CYTH3: variants seen among roughly 807,000 people sequenced by gnomAD.
CYTH3 encodes cytohesin-3.
A neutral mutation model predicts 55.1 loss-of-function variants in CYTH3; 23 were observed. That is an observed-to-expected ratio of 0.42 (90% CI 0.30 to 0.59). The LOEUF (loss-of-function observed/expected upper bound fraction) is 0.59, where lower values mean the gene tolerates loss of function less well. CYTH3 is among the 20% of genes least tolerant of loss of function. The pLI is 0.20. For missense variants in CYTH3, 413 were observed against 524.8 expected, an observed-to-expected ratio of 0.79 and a Z score of 2.08; for synonymous variants, 249 against 194.9, an observed-to-expected ratio of 1.28 and a Z score of -2.31.
rs938456652 is a variant in CYTH3, at chr7:6,165,563, C to T, written c.954G>A (p.Val318=). The T allele has an allele frequency of 1.9e-5, 31 of 1,614,048 alleles. No individual in the cohort carries two copies. Among genetic ancestry groups the T allele is most frequent in the Non-Finnish European group, 2.6e-5 (31 of 1,179,956 alleles). Residue 318 remains valine, a synonymous_variant, in exon 11 of 13, where the codon GTG becomes GTA. Transcript: ENST00000350796. ...IPLENLSIRE[V]EDPRKPNCFE... is the part of the protein sequence containing the mutation. ...AGCTTACGGGTTTCCGGGGGTCCTC[C>T]ACCTCCCTGATGCTGAGGTTTTCCA... is the stretch of plus-strand genomic sequence containing the variant.
In CYTH3 at chr7:6,245,564, G is replaced by A. The variant is rs1045131111; in HGVS notation, c.34+26910C>T. ...ACTCATCTCCAGCCACCACCCAAGC[G>A]TTTCTACCTCCAAGACCTTCACAAA... On this transcript the variant is annotated intron_variant, in intron 1 of 12. Transcript: ENST00000350796. 7.2e-5 allele frequency among the ~76,000 whole-genome samples: 11 copies of A among 152,242 alleles called. No individual in the cohort carries two copies. The South Asian group carries it at 1.7e-3, about 23-fold the overall frequency.
chr7:6,266,897 C>G (rs1429336853), intron 1 of CYTH3, among the ~76,000 whole-genome samples: 1 of 152,198 alleles, frequency 6.6e-6, no homozygotes, highest in African/African-American at 2.4e-5. Flanking sequence ...CACTGTTAGG[C>G]ACTGATACAG....
chr7:6,253,703 C>G lies in CYTH3; in HGVS notation c.34+18771G>C, dbSNP rs184165021. Among the ~76,000 whole-genome samples, 997 of 152,204 alleles carry G rather than the reference C, an allele frequency of 6.6e-3. 8 individuals carry two copies. Among genetic ancestry groups the G allele is most frequent in the Non-Finnish European group, 0.011 (737 of 68,012 alleles). On this transcript the variant is annotated intron_variant, in intron 1 of 12. Coordinates refer to ENST00000350796, the MANE Select transcript of CYTH3 (RefSeq NM_004227.4). ...TGGTAGTAGGCACCTGTAGTCCCAG[C>G]TACTGGGGAGGTTGAGGCAGGAGAA...
intron 1 of CYTH3, among the ~76,000 whole-genome samples, chr7:6,250,846 T>TA (rs1221352579): frequency 6.6e-6 from 1 of 152,244 alleles, no homozygotes; most frequent in African/African-American, 2.4e-5. Flanking sequence ...TAGTGATTTC[T>TA]AAAAAGAGAA....
rs1783158907 is a variant in CYTH3 at position 6,170,738 on chromosome 7, G to C, written c.711+92C>G. 6.4e-7 allele frequency: 1 copy of C among 1,566,188 alleles called. No individual in the cohort carries two copies. Among genetic ancestry groups the C allele is most frequent in the Non-Finnish European group, 8.7e-7 (1 of 1,153,672 alleles). ...TCAGCGGGACCAGGGCGGCAAGGAG[G>C]CTTGGGAGGCGTGTCTAGAGCCGCG... On this transcript the variant is annotated intron_variant, in intron 8 of 12. Coordinates refer to ENST00000350796, the MANE Select transcript of CYTH3 (RefSeq NM_004227.4). The surrounding 1 kb of genome is among the most constrained non-coding windows in gnomAD (Gnocchi z 7.8).
At chr7:6,205,091 G>T (rs1029115255) in intron 1 of CYTH3, among the ~76,000 whole-genome samples, 2 of 152,018 alleles carry the variant, frequency 1.3e-5, no homozygotes, top group African/African-American at 4.8e-5. Flanking sequence ...CCTGAGCCTG[G>T]ACGGCCAAGG....
chr7:6,171,117 C>T lies in CYTH3; in HGVS notation c.562+85G>A. On this transcript the variant is annotated intron_variant, in intron 7 of 12. Coordinates refer to ENST00000350796, the MANE Select transcript of CYTH3 (RefSeq NM_004227.4). The surrounding 1 kb of genome is among the most constrained non-coding windows in gnomAD (Gnocchi z 6.7). ...GGGAAGGCAGGTCCCCAGGAACACA[C>T]GCTGGGCTGTGCCCACAGGGGCCGC... 4 of 1,584,790 alleles carry T rather than the reference C, an allele frequency of 2.5e-6. No homozygotes were observed. The highest frequency in any genetic ancestry group is 3.5e-6 in the Non-Finnish European group (4 of 1,156,376).
At chr7:6,255,658 GCTTCTA>G (rs1386811536) in intron 1 of CYTH3, among the ~76,000 whole-genome samples, 2 of 151,900 alleles carry the variant, frequency 1.3e-5, no homozygotes, top group African/African-American at 4.8e-5. Context: ...GGAGAAAACA[GCTTCTA>G]CTTCAAGTCT....
chr7:6,222,688 G>C (rs184094247), intron 1 of CYTH3, among the ~76,000 whole-genome samples: 1 of 151,130 alleles, frequency 6.6e-6, no homozygotes, highest in South Asian at 2.1e-4. Flanking sequence ...CAGAGGTTGC[G>C]GTGAGCTGAG....
Position 6,170,320 on chromosome 7 carries a change from C to T in CYTH3, c.823+215G>A, listed in dbSNP as rs898520595. The T allele has an allele frequency of 2.8e-5, 16 of 572,706 alleles. No homozygotes were observed. The highest frequency in any genetic ancestry group is 1.9e-4 in the African/African-American group (10 of 53,142). 35.5% of individuals were successfully genotyped at this position (572,706 alleles called of 1,614,324 possible). A position where few individuals can be genotyped will look rare whatever the true frequency, so the allele number is the denominator to read the frequency against. ...TGGGACGGGCCGTGCAGCCTGGGCG[C>T]TACTCTCTGCCGCGGGCATGGCTCT... On this transcript the variant is annotated intron_variant, in intron 9 of 12. Transcript: ENST00000350796. The surrounding 1 kb of genome is among the most constrained non-coding windows in gnomAD (Gnocchi z 7.8).
rs557887901 is a variant in CYTH3, at chr7:6,230,785, C to T, written c.35-40254G>A. 5.9e-5 allele frequency among the ~76,000 whole-genome samples: 9 copies of T among 152,218 alleles called. No individual in the cohort carries two copies. In the South Asian group the frequency reaches 8.3e-4, roughly 14 times the overall value. ...AAAAATGGGTACAACACTCTAAGTA[C>T]ATAAAATCCCGTATTTTGAAAAAAG... is the stretch of plus-strand genomic sequence containing the variant. On this transcript the variant is annotated intron_variant, in intron 1 of 12. Coordinates refer to ENST00000350796, the MANE Select transcript of CYTH3 (RefSeq NM_004227.4).
chr7:6,206,693 A>T (rs1784195266), intron 1 of CYTH3, among the ~76,000 whole-genome samples: 1 of 152,350 alleles, frequency 6.6e-6, no homozygotes, highest in African/African-American at 2.4e-5. Flanking sequence ...CCTGAAAAAG[A>T]CACTGAAATA....
intron 1 of CYTH3, among the ~76,000 whole-genome samples, chr7:6,196,139 G>A (rs1460477098): frequency 6.6e-6 from 1 of 152,138 alleles, no homozygotes; most frequent in Non-Finnish European, 1.5e-5. Context: ...CTTCTGAGAA[G>A]CCCATAAAGT....
intron 1 of CYTH3, among the ~76,000 whole-genome samples, chr7:6,262,733 C>A (rs921204150): frequency 1.3e-5 from 2 of 152,154 alleles, no homozygotes; most frequent in African/African-American, 4.8e-5. Flanking sequence ...AAGCCTCCAA[C>A]TATAATCCTG....
chr7:6,203,923 T>C (rs1350277094), intron 1 of CYTH3, among the ~76,000 whole-genome samples: 2 of 152,082 alleles, frequency 1.3e-5, no homozygotes, highest in African/African-American at 4.8e-5. Flanking sequence ...TTCACTGTGT[T>C]AGCCAGGATG....
intron 1 of CYTH3, among the ~76,000 whole-genome samples, chr7:6,251,541 T>C (rs1779965036): frequency 6.6e-6 from 1 of 152,118 alleles, no homozygotes; most frequent in Non-Finnish European, 1.5e-5. Context: ...AGAGCAGCAA[T>C]CTGTGAAGGA....
intron 2 of CYTH3, 80 bp from the exon 3 acceptor site, chr7:6,187,801 G>A: frequency 8.6e-7 from 1 of 1,165,872 alleles, no homozygotes; most frequent in Non-Finnish European, 1.3e-6. Flanking sequence ...TAGTTCTCTT[G>A]TGACAAGCTT....
chr7:6,259,780 ATATAATATATATAT>A (rs1282059050), intron 1 of CYTH3, among the ~76,000 whole-genome samples: 548 of 22,088 alleles, frequency 0.025, 17 homozygotes, highest in South Asian at 0.051. Flanking sequence ...TATTATATAT[ATATAATATATATAT>A]ATATATATAT....
At chr7:6,202,488 G>A (rs1433377440) in intron 1 of CYTH3, among the ~76,000 whole-genome samples, 2 of 148,076 alleles carry the variant, frequency 1.4e-5, no homozygotes, top group Non-Finnish European at 3.0e-5. Context: ...TTGAGACAGG[G>A]TTTCGCTCTT....
Sources: allele counts gnomAD v4.1 joint callset (sites outside exome capture counted in the v4.1 genomes callset), GRCh38; gene constraint gnomAD v4.1.1; non-coding constraint Gnocchi (gnomAD v3.1); transcripts MANE v1.5; gene names NCBI Gene and HGNC (gene_info 2026-07-23, HGNC 2026-07-21).